The following LMAN1 variants were observed in gnomAD, a reference collection of about 807,000 sequenced individuals.
LMAN1 encodes lectin, mannose binding 1.
In LMAN1, 32 loss-of-function variants were observed where a neutral mutation model predicts 67.8. The observed-to-expected ratio is 0.47, with a 90% CI of 0.36 to 0.63. The LOEUF is 0.63. Ranked by LOEUF, LMAN1 falls within the 30% of genes least tolerant of loss-of-function variation. The pLI, the probability that LMAN1 is intolerant of heterozygous loss-of-function variation, is 0.00. For missense variants in LMAN1, 632 were observed against 628.2 expected, an observed-to-expected ratio of 1.01 and a Z score of -0.06; for synonymous variants, 235 against 219.3, an observed-to-expected ratio of 1.07 and a Z score of -0.63.
chr18:59,338,647 C>A lies in LMAN1; in HGVS notation c.1150-20G>T. 6.2e-7 allele frequency: 1 copy of A among 1,611,686 alleles called. No individual in the cohort carries two copies. The highest frequency in any genetic ancestry group is 8.5e-7 in the Non-Finnish European group (1 of 1,177,878). ...AGTAATCTGGAGGAAGAAACAATGA[C>A]GAGCAAGCTGAATAATCCACATTCT... On this transcript the variant is annotated intron_variant, in intron 9 of 12. Transcript: ENST00000251047.
chr18:59,349,135 A>G lies in LMAN1; in HGVS notation c.741T>C (p.Ser247=). The part of the protein sequence containing the change: ...IIPAQGHFGI[S]AATGGLADDH... The stretch of plus-strand genomic sequence containing the variant: ...TACCTGCAAGACCTCCAGTTGCAGC[A>G]GATATTCCAAAATGCCCTTGTGCAG... Residue 247 remains serine, a synonymous_variant, in exon 6 of 13, where the codon TCT becomes TCC. Coordinates refer to ENST00000251047, the MANE Select transcript of LMAN1 (RefSeq NM_005570.4). 1 of 1,614,106 alleles carries G rather than the reference A, an allele frequency of 6.2e-7. No individual in the cohort carries two copies. The highest frequency in any genetic ancestry group is 8.5e-7 in the Non-Finnish European group (1 of 1,179,966).
intron 5 of LMAN1, among the ~76,000 whole-genome samples, chr18:59,352,065 A>T (rs748676541): frequency 2.0e-5 from 3 of 152,206 alleles, no homozygotes; most frequent in Non-Finnish European, 2.9e-5. Context: ...AGTATTATAT[A>T]ACCAGGTATT....
At chr18:59,354,633 T>A in intron 3 of LMAN1, 53 bp from the exon 4 acceptor site, 1 of 912,188 alleles carries the variant, frequency 1.1e-6, no homozygotes, top group Non-Finnish European at 1.8e-6. Flanking sequence ...GCATTCTACA[T>A]CATTCTTGAT....
chr18:59,358,984 C>G (rs1568119596), intron 1 of LMAN1, 47 bp downstream of exon 1: 2 of 1,574,708 alleles, frequency 1.3e-6, no homozygotes, highest in Non-Finnish European at 8.7e-7. Context: ...GAAGAGGCAG[C>G]AGAAGGGGGA....
intron 1 of LMAN1, 80 bp downstream of exon 1, chr18:59,358,951 C>T: frequency 7.0e-7 from 1 of 1,429,202 alleles, no homozygotes. Flanking sequence ...CTCAGCACAC[C>T]AGGGTAGCCG....
intron 4 of LMAN1, 76 bp from the exon 5 acceptor site, chr18:59,353,377 A>G (rs182602960): frequency 1.9e-6 from 2 of 1,043,720 alleles, no homozygotes; most frequent in Non-Finnish European, 3.0e-6. Flanking sequence ...GACTAAAATA[A>G]TATCAAGTTA....
rs1211094447 is a variant in LMAN1, at chr18:59,354,555, A to G, written c.503T>C (p.Ile168Thr). ...GKKNNPAIVI[I>T]GNNGQIHYDH... is the part of the protein sequence containing the mutation. Reference sequence around the variant, plus strand: ...ATAATGGATTTGTCCATTGTTGCCTATAATTACTATAGCAGGATTATTTTT... The same window carrying G: ...ATAATGGATTTGTCCATTGTTGCCTGTAATTACTATAGCAGGATTATTTTT... The change falls in exon 4 of 13, where the codon ATA (isoleucine) becomes ACA (threonine). Residue 168 changes from isoleucine to threonine, a missense_variant. Coordinates refer to ENST00000251047, the MANE Select transcript of LMAN1 (RefSeq NM_005570.4). 1 of 1,501,748 alleles carries G rather than the reference A, an allele frequency of 6.7e-7. No homozygotes were observed. Among genetic ancestry groups the G allele is most frequent in the Admixed American group, 1.7e-5 (1 of 59,548 alleles). 93.0% of individuals were successfully genotyped at this position (1,501,748 alleles called of 1,614,324 possible).
At chr18:59,344,416 T>C (rs144447609) in intron 8 of LMAN1, among the ~76,000 whole-genome samples, 1 of 152,248 alleles carries the variant, frequency 6.6e-6, no homozygotes, top group Non-Finnish European at 1.5e-5. Flanking sequence ...GAGAACTTGA[T>C]AAAGAAAATG....
intron 6 of LMAN1, among the ~76,000 whole-genome samples, 157 bp downstream of exon 6, chr18:59,348,956 A>C (rs1908480877): frequency 6.6e-6 from 1 of 152,234 alleles, no homozygotes; most frequent in Non-Finnish European, 1.5e-5. Context: ...AAAATTAGCA[A>C]TCTCAACAGA....
At position 59,355,600 on chromosome 18, in the gene LMAN1, G is replaced by A. The variant is rs1288331445; in HGVS notation, c.273C>T (p.Gly91=). 6.2e-7 allele frequency: 1 copy of A among 1,613,948 alleles called. No individual in the cohort carries two copies. The highest frequency in any genetic ancestry group is 8.5e-7 in the Non-Finnish European group (1 of 1,179,966). Residue 91 remains glycine (G), a synonymous_variant, in exon 2 of 13, where the codon GGC becomes GGT. Coordinates refer to ENST00000251047, the MANE Select transcript of LMAN1 (RefSeq NM_005570.4). ...RVAPSLKSQR[G]SVWTKTKAAF... The stretch of plus-strand genomic sequence containing the variant: ...CCGCTTTTGTCTTTGTCCACACTGA[G>A]CCTCTTTGGCTTTTTAAAGATGGTG...
chr18:59,331,774 T>C (rs2070749120), intron 11 of LMAN1: 1 of 492,262 alleles, frequency 2.0e-6, no homozygotes, highest in Non-Finnish European at 3.7e-6. Context: ...GCCTCCTGGC[T>C]CCTGTCTGCA....
chr18:59,334,257 C>T (rs1034118731), intron 10 of LMAN1, among the ~76,000 whole-genome samples: 1 of 152,136 alleles, frequency 6.6e-6, no homozygotes, highest in African/African-American at 2.4e-5. Context: ...TAATTTGCTC[C>T]TACTCAGTCA....
chr18:59,344,353 C>A (rs1055040587), intron 8 of LMAN1, among the ~76,000 whole-genome samples: 2 of 152,108 alleles, frequency 1.3e-5, no homozygotes, highest in Non-Finnish European at 2.9e-5. Context: ...ACGTTTATTG[C>A]AGCCCTATTT....
chr18:59,342,210 C>A (rs1365987620), intron 8 of LMAN1, among the ~76,000 whole-genome samples: 1 of 151,806 alleles, frequency 6.6e-6, no homozygotes, highest in Non-Finnish European at 1.5e-5. Flanking sequence ...TAACAACAGC[C>A]GGGACTAGAT....
At chr18:59,343,150 T>C (rs1409080812) in intron 8 of LMAN1, among the ~76,000 whole-genome samples, 2 of 150,984 alleles carry the variant, frequency 1.3e-5, no homozygotes, top group African/African-American at 4.9e-5. Flanking sequence ...AAATGGTAGA[T>C]GACACAAACA....
intron 10 of LMAN1, among the ~76,000 whole-genome samples, chr18:59,335,373 C>T (rs990371943): frequency 3.6e-4 from 54 of 150,072 alleles, no homozygotes; most frequent in Admixed American, 2.6e-3. Flanking sequence ...GCAGAGGTTG[C>T]GGTGAGCCAA....
At chr18:59,347,676 G>A in intron 6 of LMAN1, 105 bp from the exon 7 acceptor site, 1 of 877,570 alleles carries the variant, frequency 1.1e-6, no homozygotes, top group African/African-American at 1.7e-5. Flanking sequence ...ACAATAACCA[G>A]TGAGGGAATT....
intron 8 of LMAN1, among the ~76,000 whole-genome samples, chr18:59,339,703 A>C (rs1473482301): frequency 6.6e-6 from 1 of 152,152 alleles, no homozygotes; most frequent in Non-Finnish European, 1.5e-5. Flanking sequence ...CAATGTTCCA[A>C]GGAGAGAAGG....
chr18:59,338,845 A>G lies in LMAN1; in HGVS notation c.1064T>C (p.Ile355Thr), dbSNP rs3737392. The G allele has an allele frequency of 1.7e-5, 27 of 1,613,992 alleles. No individual in the cohort carries two copies. The East Asian group carries it at 6.0e-4, about 36-fold the overall frequency. Residue 355 changes from isoleucine to threonine, a missense_variant, in exon 9 of 13, where the codon ATT (isoleucine) becomes ACT (threonine). Coordinates refer to ENST00000251047, the MANE Select transcript of LMAN1 (RefSeq NM_005570.4). ...GACATATCTTCTCTGTTCATCAAGA[A>G]TCATATCTAACTGCCGGTTCAGCTG... ...IKQLNRQLDM[I>T]LDEQRRYVSS...
Sources: gnomAD v4.1 joint callset for allele counts (sites outside exome capture counted in the v4.1 genomes callset) on GRCh38, gnomAD v4.1.1 for gene constraint, MANE v1.5 for transcripts, NCBI Gene and HGNC (gene_info 2026-07-23, HGNC 2026-07-21) for gene names.